Variants in ACACB observed in about 807,000 individuals in gnomAD.
ACACB encodes the protein acetyl-CoA carboxylase beta, also known as acetyl-CoA carboxylase 2.
A neutral mutation model predicts 278.8 loss-of-function variants in ACACB; 209 were observed. The observed-to-expected ratio is 0.75, with a 90% confidence interval of 0.67 to 0.84. The LOEUF (loss-of-function observed/expected upper bound fraction) is 0.84, where lower values mean the gene tolerates loss of function less well. Ranked by LOEUF, ACACB falls within the 40% of genes least tolerant of loss-of-function variation. ACACB has a pLI of 0.00. For synonymous variants in ACACB, 1,174 were observed against 1,285.6 expected (o/e 0.91, Z 1.86); for missense variants, 2,850 against 3,269.0 (o/e 0.87, Z 3.13).
At chr12:109,172,415 G>A in intron 6 of ACACB, 59 bp downstream of exon 6, 1 of 1,506,532 alleles carries the variant, frequency 6.6e-7, no homozygotes, top group Non-Finnish European at 9.2e-7. Context: ...CACTCTGCTG[G>A]GTCTGACCCT....
rs34104231 is a variant in ACACB, at chr12:109,169,142, C to CA, written c.925+1126dup. ...CCTGGGCGACAGAGTGAGACTGTCT[C>CA]AAAAAAAAAAAAAAAAAAGCAAAAC... On this transcript the variant is annotated intron_variant, in intron 4 of 52. Coordinates refer to ENST00000338432, the MANE Select transcript of ACACB (RefSeq NM_001093.4). Among the ~76,000 whole-genome samples the CA allele has an allele frequency of 3.4e-4, 36 of 105,812 alleles. 2 individuals are homozygous for CA. Among genetic ancestry groups the CA allele is most frequent in the South Asian group, 1.1e-3 (3 of 2,798 alleles). 69.4% of individuals were successfully genotyped at this position (105,812 alleles called of 152,430 possible). A position where few individuals can be genotyped will look rare whatever the true frequency, so the allele number is the denominator to read the frequency against.
At chr12:109,179,891 C>T in intron 10 of ACACB, 26 bp from the exon 11 acceptor site, 3 of 1,592,602 alleles carry the variant, frequency 1.9e-6, no homozygotes, top group Admixed American at 3.4e-5. Flanking sequence ...CTGGAACCCC[C>T]TTGGCCTCTT....
chr12:109,260,191 AGGGAC>A (rs2047342643), intron 47 of ACACB: 7 of 1,425,104 alleles, frequency 4.9e-6, no homozygotes, highest in Non-Finnish European at 6.6e-6. Context: ...GGGGCAGGGC[AGGGAC>A]AGTCATGGGT....
intron 2 of ACACB, among the ~76,000 whole-genome samples, 154 bp from the exon 3 acceptor site, chr12:109,166,707 T>C (rs1285315969): frequency 7.1e-6 from 1 of 141,636 alleles, no homozygotes; most frequent in Non-Finnish European, 1.5e-5. Flanking sequence ...TTGAGCCTCC[T>C]TGTAAATTGC....
chr12:109,244,057 C>G (rs1228314673), intron 37 of ACACB, among the ~76,000 whole-genome samples: 1 of 152,088 alleles, frequency 6.6e-6, no homozygotes, highest in Non-Finnish European at 1.5e-5. Context: ...AGGCAGCCTA[C>G]AGAATGGGAG....
chr12:109,201,145 AGTG>A (rs2045318425), intron 18 of ACACB, among the ~76,000 whole-genome samples: 1 of 152,244 alleles, frequency 6.6e-6, no homozygotes, highest in South Asian at 2.1e-4. Flanking sequence ...CATTTCACAG[AGTG>A]TTCCCTGAGG....
intron 11 of ACACB, 65 bp downstream of exon 11, chr12:109,180,152 C>G (rs2044418940): frequency 1.3e-6 from 2 of 1,524,214 alleles, no homozygotes; most frequent in Admixed American, 3.5e-5. Context: ...TGTGCTGCTC[C>G]CATTAGTCCA....
intron 38 of ACACB, 132 bp downstream of exon 38, chr12:109,245,880 G>C: frequency 1.7e-6 from 2 of 1,175,242 alleles, no homozygotes; most frequent in Non-Finnish European, 2.4e-6. Flanking sequence ...CTTGAGGTCA[G>C]AAGTTCAAGA....
In ACACB at chr12:109,166,912, G is replaced by A; in HGVS notation, c.705G>A (p.Lys235=). 1 of 1,614,094 alleles carries A rather than the reference G, an allele frequency of 6.2e-7. No individual in the cohort carries two copies. The highest frequency in any genetic ancestry group is 8.5e-7 in the Non-Finnish European group (1 of 1,180,038). ...TGAAGAGGGGACGGGAACACAAGAA[G>A]CTGGACCTGCACAGAGACTTTACCG... ...HLVKRGREHK[K]LDLHRDFTVA... Residue 235 remains lysine (K), a synonymous_variant, in exon 3 of 53, where the codon AAG becomes AAA. Coordinates refer to ENST00000338432, the MANE Select transcript of ACACB (RefSeq NM_001093.4).
At chr12:109,258,402 G>A in intron 46 of ACACB, 38 bp downstream of exon 46, 1 of 1,567,316 alleles carries the variant, frequency 6.4e-7, no homozygotes, top group African/African-American at 1.3e-5. Context: ...GGTTTAGCCA[G>A]CGGTACTGTC....
intron 31 of ACACB, 66 bp downstream of exon 31, chr12:109,234,111 G>A (rs1387652002): frequency 1.0e-5 from 14 of 1,373,522 alleles, no homozygotes; most frequent in South Asian, 1.2e-5. Flanking sequence ...TGGGCTCGTC[G>A]AGGCGGCCCT....
At chr12:109,259,403 G>A (rs2047318866) in intron 47 of ACACB, among the ~76,000 whole-genome samples, 2 of 151,924 alleles carry the variant, frequency 1.3e-5, no homozygotes, top group South Asian at 4.2e-4. Context: ...GCAAGACCCT[G>A]TCTCTACAAA....
intron 44 of ACACB, among the ~76,000 whole-genome samples, chr12:109,254,609 C>G (rs1454781411): frequency 6.6e-6 from 1 of 152,046 alleles, no homozygotes; most frequent in Non-Finnish European, 1.5e-5. Flanking sequence ...CCTGGTCTCC[C>G]TCCCCTGATG....
chr12:109,187,956 A>G (rs764939153), intron 12 of ACACB, 43 bp from the exon 13 acceptor site: 5 of 1,573,270 alleles, frequency 3.2e-6, no homozygotes, highest in Non-Finnish European at 4.3e-6. Context: ...ATATATCTGG[A>G]GTAATGATTT....
Position 109,175,965 on chromosome 12 carries a change from G to T in ACACB, c.1251G>T (p.Gln417His). 4 of 1,614,160 alleles carry T rather than the reference G, an allele frequency of 2.5e-6. No individual in the cohort carries two copies. Among genetic ancestry groups the T allele is most frequent in the Non-Finnish European group, 2.5e-6 (3 of 1,180,030 alleles). ...LTVEWTEDDL[Q>H]QGKRISVPED... ...TGGAGTGGACAGAAGATGATCTGCA[G>T]CAGGGAAAAAGAATCAGTGTCCCAG... Residue 417 changes from glutamine to histidine, a missense_variant, in exon 8 of 53, where the codon CAG becomes CAT. Around this residue, in one of 3 missense-constraint regions of ACACB, gnomAD observed 2,265 missense variants for 2,561.3 expected, o/e 0.88. Transcript: ENST00000338432.
chr12:109,210,577 A>G (rs1430725863), intron 21 of ACACB, among the ~76,000 whole-genome samples: 1 of 149,064 alleles, frequency 6.7e-6, no homozygotes, highest in African/African-American at 2.4e-5. Context: ...GTATGTGTGT[A>G]TATACATATA....
At position 109,264,276 on chromosome 12, in the gene ACACB, C is replaced by G. The variant is rs199967038; in HGVS notation, c.6832C>G (p.Arg2278Gly). The G allele has an allele frequency of 1.2e-6, 2 of 1,614,036 alleles. No individual in the cohort carries two copies. The highest frequency in any genetic ancestry group is 1.7e-6 in the Non-Finnish European group (2 of 1,180,042). ...SDKDRKDLEG[R>G]LKAREDLLLP... is the part of the protein sequence containing the mutation. ...CAAGGACCGAAAGGACCTGGAGGGCCGGCTAAAGGCTCGCGAGGACCTGCT... is the reference window on the plus strand; with the variant it reads ...CAAGGACCGAAAGGACCTGGAGGGCGGGCTAAAGGCTCGCGAGGACCTGCT... Residue 2278 changes from arginine (R) to glycine (G), a missense_variant, in exon 50 of 53, where the codon CGG becomes GGG. Arg to Gly is a moderately radical substitution (Grantham distance 125). Transcript: ENST00000338432.
intron 1 of ACACB, among the ~76,000 whole-genome samples, chr12:109,138,497 C>A (rs1181692950): frequency 6.6e-6 from 1 of 151,738 alleles, no homozygotes; most frequent in Non-Finnish European, 1.5e-5. Flanking sequence ...GATAATAATA[C>A]TAGAATGATG....
At chr12:109,117,393 A>G (rs2042432821) in intron 1 of ACACB, among the ~76,000 whole-genome samples, 2 of 151,912 alleles carry the variant, frequency 1.3e-5, no homozygotes, top group Admixed American at 1.3e-4. Flanking sequence ...AAAGAAAAAA[A>G]GGAGACTAAG....
Sources: allele counts gnomAD v4.1 joint callset (sites outside exome capture counted in the v4.1 genomes callset), GRCh38; gene constraint gnomAD v4.1.1; regional missense constraint gnomAD v4.1.1; transcripts MANE v1.5; gene names NCBI Gene and HGNC (gene_info 2026-07-23, HGNC 2026-07-21).